The following RAD50 variants were observed in gnomAD, a reference collection of about 807,000 sequenced individuals.
RAD50 encodes the protein DNA repair protein RAD50.
A neutral mutation model predicts 168.8 loss-of-function variants in RAD50; 132 were observed. The ratio of observed to expected loss-of-function variants is 0.78; its 90% CI spans 0.68 to 0.90. RAD50 has a LOEUF of 0.90. Ranked by LOEUF, RAD50 falls within the 40% of genes least tolerant of loss-of-function variation. The pLI, the probability that RAD50 is intolerant of heterozygous loss-of-function variation, is 0.00. For missense variants in RAD50, 1,347 were observed against 1,534.4 expected (o/e 0.88, Z 2.04); for synonymous variants, 525 against 497.4 (o/e 1.06, Z -0.74).
chr5:132,645,790 C>T lies in RAD50; in HGVS notation c.*3426C>T, dbSNP rs780855196. On this transcript the variant is annotated 3_prime_UTR_variant, in exon 25 of 25. Coordinates refer to ENST00000378823, the MANE Select transcript of RAD50 (RefSeq NM_005732.4). ...CAAGAGACCTGGAGTATTTATATAACAACTTGCCAGGGTTACTGAGTGAAG... is the reference window on the plus strand; with the variant it reads ...CAAGAGACCTGGAGTATTTATATAATAACTTGCCAGGGTTACTGAGTGAAG... 6.6e-6 allele frequency: 1 copy of T among 152,144 alleles called. No individual in the cohort carries two copies. Among genetic ancestry groups the T allele is most frequent in the Non-Finnish European group, 1.5e-5 (1 of 68,020 alleles). The allele number at this position is 152,144 out of a possible 1,614,324, so 9.4% of individuals were successfully genotyped here. A position where few individuals can be genotyped will look rare whatever the true frequency, so the allele number is the denominator to read the frequency against.
At chr5:132,632,911 T>TTGTCTAAATACAA (rs1751501796) in intron 21 of RAD50, among the ~76,000 whole-genome samples, 1 of 152,184 alleles carries the variant, frequency 6.6e-6, no homozygotes, top group African/African-American at 2.4e-5. Flanking sequence ...TGTCTTTTTG[T>TTGTCTAAATACAA]ATGTTGTCTA....
chr5:132,608,047 G>A (rs1325406858), intron 16 of RAD50, among the ~76,000 whole-genome samples: 1 of 152,178 alleles, frequency 6.6e-6, no homozygotes, highest in Non-Finnish European at 1.5e-5. Context: ...CAAAATAGTT[G>A]TGGAGACACC....
At chr5:132,639,882 A>G (rs1171337370) in intron 23 of RAD50, among the ~76,000 whole-genome samples, 2 of 152,158 alleles carry the variant, frequency 1.3e-5, no homozygotes, top group Non-Finnish European at 2.9e-5. Context: ...GAAAAGACAT[A>G]AACTATTCTA....
chr5:132,631,164 A>G (rs1368115502), intron 21 of RAD50, among the ~76,000 whole-genome samples: 3 of 140,324 alleles, frequency 2.1e-5, no homozygotes, highest in Non-Finnish European at 4.5e-5. Flanking sequence ...TCTGTCACCC[A>G]GGCTGGAGTT....
Position 132,575,777 on chromosome 5 carries a change from G to T in RAD50, c.214G>T (p.Val72Phe), listed in dbSNP as rs118029772. 1 of 1,589,120 alleles carries T rather than the reference G, an allele frequency of 6.3e-7. No individual in the cohort carries two copies. The highest frequency in any genetic ancestry group is 8.6e-7 in the Non-Finnish European group (1 of 1,157,338). Residue 72 changes from valine (V) to phenylalanine (F), a missense_variant and splice_region_variant, in exon 3 of 25, where the codon GTT becomes TTT. Transcript: ENST00000378823. ...KGNTFVHDPK[V>F]AQETDVRAQI... is the part of the protein sequence containing the mutation. ...GTTTTTTCTGTGTTTTCCTTCAAAG[G>T]TTGCTCAAGAAACAGATGTGAGAGC...
chr5:132,577,418 T>G (rs370054676), intron 3 of RAD50, among the ~76,000 whole-genome samples: 11 of 152,356 alleles, frequency 7.2e-5, no homozygotes, highest in African/African-American at 2.6e-4. Context: ...TGCTGTGCAA[T>G]GTAACATTCA....
chr5:132,594,001 G>T (rs1455950735), intron 11 of RAD50, among the ~76,000 whole-genome samples: 1 of 152,140 alleles, frequency 6.6e-6, no homozygotes, highest in Non-Finnish European at 1.5e-5. Flanking sequence ...GTAAGATGAA[G>T]ACTGTACTTG....
rs537958716 is a variant in RAD50, at chr5:132,578,936, A to G, written c.366-381A>G. ...GTTACTGAAGAAAGAACCCCATTCT[A>G]AGATGTTTTTAACTTACCTTTGCCT... On this transcript the variant is annotated intron_variant, in intron 3 of 24. Coordinates refer to ENST00000378823, the MANE Select transcript of RAD50 (RefSeq NM_005732.4). 5.3e-5 allele frequency among the ~76,000 whole-genome samples: 8 copies of G among 152,318 alleles called. No homozygotes were observed. In the East Asian group the frequency reaches 9.6e-4, roughly 18 times the overall value.
At chr5:132,598,342 G>C (rs1433543318) in intron 13 of RAD50, among the ~76,000 whole-genome samples, 1 of 152,188 alleles carries the variant, frequency 6.6e-6, no homozygotes, top group Non-Finnish European at 1.5e-5. Flanking sequence ...GAGCCACCGT[G>C]CTGGGCCACA....
intron 21 of RAD50, among the ~76,000 whole-genome samples, chr5:132,633,405 G>A (rs1323716560): frequency 6.6e-6 from 1 of 151,944 alleles, no homozygotes; most frequent in East Asian, 1.9e-4. Flanking sequence ...GCACCCAGCT[G>A]CCTCAGCTTT....
At chr5:132,578,503 A>G (rs1312166436) in intron 3 of RAD50, among the ~76,000 whole-genome samples, 1 of 146,416 alleles carries the variant, frequency 6.8e-6, no homozygotes, top group Non-Finnish European at 1.5e-5. Flanking sequence ...TAATATATTC[A>G]GTATAATATT....
intron 2 of RAD50, among the ~76,000 whole-genome samples, chr5:132,574,850 C>T (rs1168979367): frequency 6.6e-6 from 1 of 152,156 alleles, no homozygotes; most frequent in Non-Finnish European, 1.5e-5. Flanking sequence ...TAACAAAAGT[C>T]ACCTTTGCCC....
At chr5:132,579,658 C>T in intron 4 of RAD50, 156 bp downstream of exon 4, 1 of 865,456 alleles carries the variant, frequency 1.2e-6, no homozygotes, top group Non-Finnish European at 1.8e-6. Context: ...TTTTCTTTCA[C>T]TTGTCTTTCT....
intron 20 of RAD50, 56 bp from the exon 21 acceptor site, chr5:132,618,014 T>G (rs1751206434): frequency 7.1e-7 from 1 of 1,399,992 alleles, no homozygotes. Context: ...ACTTTTCCAC[T>G]TCAGGTTGTT....
At chr5:132,571,126 A>G (rs1750296160) in intron 2 of RAD50, among the ~76,000 whole-genome samples, 1 of 152,252 alleles carries the variant, frequency 6.6e-6, no homozygotes. Context: ...AAACAATTAC[A>G]GTAGTAACAT....
chr5:132,581,913 G>C (rs903363099), intron 5 of RAD50, among the ~76,000 whole-genome samples: 3 of 151,736 alleles, frequency 2.0e-5, no homozygotes, highest in African/African-American at 7.3e-5. Context: ...TTATTTTCTT[G>C]AGGAGCATCT....
Position 132,616,222 on chromosome 5 carries a change from C to T in RAD50, c.3164+92C>T, listed in dbSNP as rs569248009. The T allele has an allele frequency of 1.7e-5, 22 of 1,301,020 alleles. No homozygotes were observed. In the East Asian group the frequency reaches 3.4e-4, roughly 20 times the overall value. The allele number at this position is 1,301,020 out of a possible 1,614,324, so 80.6% of individuals were successfully genotyped here. On this transcript the variant is annotated intron_variant, in intron 20 of 24. Coordinates refer to ENST00000378823, the MANE Select transcript of RAD50 (RefSeq NM_005732.4). ...ATACCTGTTTTAAAAGAATTTTAGC[C>T]TCAGCCTGGTATCCTTTGAGAGTTA...
chr5:132,592,047 A>G lies in RAD50; in HGVS notation c.1793+13A>G. The G allele has an allele frequency of 6.2e-7, 1 of 1,601,968 alleles. No individual in the cohort carries two copies. Among genetic ancestry groups the G allele is most frequent in the Non-Finnish European group, 8.6e-7 (1 of 1,169,308 alleles). ...TTGCCAAATTGAAGTAAGTTGCAAC[A>G]TTTGGAGATGTAATAGAAATCTCTT... On this transcript the variant is annotated intron_variant, in intron 11 of 24. Transcript: ENST00000378823.
intron 3 of RAD50, among the ~76,000 whole-genome samples, chr5:132,578,524 C>CTTTTT (rs903882684): frequency 5.5e-3 from 461 of 84,344 alleles, no homozygotes; most frequent in Non-Finnish European, 7.6e-3. Flanking sequence ...TTTTTTCTTT[C>CTTTTT]TTTTTTTTTT....
Sources: gnomAD v4.1 joint callset for allele counts (sites outside exome capture counted in the v4.1 genomes callset) on GRCh38, gnomAD v4.1.1 for gene constraint, MANE v1.5 for transcripts, NCBI Gene and HGNC (gene_info 2026-07-23, HGNC 2026-07-21) for gene names.